The following ZNF516 variants were observed in gnomAD, a reference collection of about 807,000 sequenced individuals.
The protein encoded by ZNF516 is zinc finger protein 516.
A neutral mutation model predicts 79.7 loss-of-function variants in ZNF516; 19 were observed. The ratio of observed to expected loss-of-function variants is 0.24; its 90% CI spans 0.17 to 0.35. ZNF516 has a LOEUF of 0.35. Ranked by LOEUF, ZNF516 falls within the 10% of genes least tolerant of loss-of-function variation. ZNF516 has a pLI of 1.00. For missense variants in ZNF516, 1,678 were observed against 1,679.5 expected (o/e 1.00, Z 0.02); for synonymous variants, 877 against 739.5 (o/e 1.19, Z -3.02).
intron 3 of ZNF516, among the ~76,000 whole-genome samples, chr18:76,419,005 G>T (rs2075472712): frequency 1.3e-5 from 2 of 152,156 alleles, no homozygotes. Context: ...GCTGGGGCTG[G>T]ACCCTGACAG....
intron 3 of ZNF516, among the ~76,000 whole-genome samples, chr18:76,398,346 T>A (rs1384354895): frequency 6.6e-6 from 1 of 152,210 alleles, no homozygotes; most frequent in African/African-American, 2.4e-5. Flanking sequence ...CATACTTTAA[T>A]CAGAGAGCAA....
chr18:76,368,832 G>T (rs1236494781), intron 6 of ZNF516, among the ~76,000 whole-genome samples: 3 of 152,166 alleles, frequency 2.0e-5, no homozygotes, highest in Non-Finnish European at 4.4e-5. Context: ...TAGTCTAAAT[G>T]ATTTGCTTTT....
At chr18:76,468,015 G>C (rs1913594367) in intron 1 of ZNF516, among the ~76,000 whole-genome samples, 1 of 152,160 alleles carries the variant, frequency 6.6e-6, no homozygotes, top group South Asian at 2.1e-4. Context: ...CGGCCTTGCG[G>C]GACTCCCTGC....
At chr18:76,400,622 T>C (rs2075206066) in intron 3 of ZNF516, among the ~76,000 whole-genome samples, 2 of 152,184 alleles carry the variant, frequency 1.3e-5, no homozygotes, top group East Asian at 1.9e-4. Flanking sequence ...TCAAACTACG[T>C]AGGCACGGCC....
intron 3 of ZNF516, among the ~76,000 whole-genome samples, chr18:76,398,508 G>A (rs1403531096): frequency 3.3e-5 from 5 of 152,130 alleles, no homozygotes; most frequent in East Asian, 3.9e-4. Flanking sequence ...GGGGACTGTC[G>A]GGAAGAAGGT....
In ZNF516 at chr18:76,493,283, G is replaced by A. The variant is rs1359406970; in HGVS notation, c.-272+1861C>T. On this transcript the variant is annotated intron_variant, in intron 1 of 6. Coordinates refer to ENST00000443185, the MANE Select transcript of ZNF516 (RefSeq NM_014643.4). This position sits in a 1 kb window ranked among gnomAD's most constrained non-coding sequence, Gnocchi z 5.2. ...AGGGAAATTCACGAAGGGAGTGGAG[G>A]CGGAAAGGGAGCTCCGAGAAAGAAG... 22 of 658,528 alleles carry A rather than the reference G, an allele frequency of 3.3e-5. 1 individual carries two copies. In the South Asian group the frequency reaches 1.3e-3, roughly 39 times the overall value. 40.8% of individuals were successfully genotyped at this position (658,528 alleles called of 1,614,324 possible).
rs546926442 is a variant in ZNF516, at chr18:76,480,048, T to C, written c.-272+15096A>G. ...AACCCTGGCACCAGGCGGCGGTTTGTGGCGGGGCGCCCCTAGAGCTATGCC... is the reference window on the plus strand; with the variant it reads ...AACCCTGGCACCAGGCGGCGGTTTGCGGCGGGGCGCCCCTAGAGCTATGCC... On this transcript the variant is annotated intron_variant, in intron 1 of 6. Coordinates refer to ENST00000443185, the MANE Select transcript of ZNF516 (RefSeq NM_014643.4). 1.1e-3 allele frequency among the ~76,000 whole-genome samples: 172 copies of C among 150,426 alleles called. 1 individual carries two copies. Among genetic ancestry groups the C allele is most frequent in the Middle Eastern group, 7.1e-3 (2 of 280 alleles).
At chr18:76,488,736 A>G (rs1914985163) in intron 1 of ZNF516, among the ~76,000 whole-genome samples, 1 of 152,248 alleles carries the variant, frequency 6.6e-6, no homozygotes, top group African/African-American at 2.4e-5. Flanking sequence ...TTACAGTTCT[A>G]TTACTAATAA....
At chr18:76,491,156 A>G in intron 1 of ZNF516, 2 of 938,698 alleles carry the variant, frequency 2.1e-6, no homozygotes, top group Non-Finnish European at 2.5e-6. Flanking sequence ...GAAACCAATT[A>G]CCTGGGCTCC....
chr18:76,492,791 C>G lies in ZNF516; in HGVS notation c.-272+2353G>C, dbSNP rs904608317. On this transcript the variant is annotated intron_variant, in intron 1 of 6. Transcript: ENST00000443185. ...TGAATCTGAAAGTGCTTCTAAACCC[C>G]ATGCTTCACAGAACGTTCGGAGGGG... The G allele has an allele frequency of 5.1e-6, 5 of 985,810 alleles. No individual in the cohort carries two copies. In the South Asian group the frequency reaches 2.3e-4, roughly 46 times the overall value. The allele number at this position is 985,810 out of a possible 1,614,324, so 61.1% of individuals were successfully genotyped here.
At chr18:76,457,150 C>T (rs1401191649) in intron 2 of ZNF516, among the ~76,000 whole-genome samples, 1 of 152,224 alleles carries the variant, frequency 6.6e-6, no homozygotes, top group Admixed American at 6.5e-5. Flanking sequence ...GTTTATTACA[C>T]CACATGTATG....
chr18:76,373,671 C>T (rs2074742915), intron 4 of ZNF516, among the ~76,000 whole-genome samples: 1 of 152,266 alleles, frequency 6.6e-6, no homozygotes, highest in Non-Finnish European at 1.5e-5. Context: ...AGCCCTCCCA[C>T]TCATCCGTGC....
At chr18:76,419,984 G>A (rs778181527) in intron 3 of ZNF516, among the ~76,000 whole-genome samples, 1 of 152,222 alleles carries the variant, frequency 6.6e-6, no homozygotes, top group Non-Finnish European at 1.5e-5. Context: ...AGGCAGCCCT[G>A]GTATTTCTAC....
chr18:76,414,004 G>A (rs2075402951), intron 3 of ZNF516, among the ~76,000 whole-genome samples: 2 of 152,052 alleles, frequency 1.3e-5, no homozygotes, highest in African/African-American at 4.8e-5. Context: ...ACAAACATTG[G>A]AACAAAAAGT....
chr18:76,478,069 T>TA (rs35746608), intron 1 of ZNF516, among the ~76,000 whole-genome samples: 32,390 of 152,100 alleles, frequency 0.21, 3,886 homozygotes, highest in African/African-American at 0.32. Context: ...GCCCCTAACT[T>TA]AAAGTGTTTT....
At chr18:76,434,121 C>A (rs2075699303) in intron 3 of ZNF516, among the ~76,000 whole-genome samples, 1 of 152,204 alleles carries the variant, frequency 6.6e-6, no homozygotes, top group Non-Finnish European at 1.5e-5. Flanking sequence ...CAGGAGCGAT[C>A]CTGCCTGGTC....
intron 2 of ZNF516, among the ~76,000 whole-genome samples, chr18:76,462,523 C>G (rs1239137918): frequency 6.6e-6 from 1 of 152,236 alleles, no homozygotes; most frequent in Non-Finnish European, 1.5e-5. Flanking sequence ...GCAGATGAAG[C>G]CTGCACCACA....
chr18:76,440,019 C>T (rs3737387), intron 3 of ZNF516, among the ~76,000 whole-genome samples: 6,933 of 152,292 alleles, frequency 0.046, 272 homozygotes, highest in East Asian at 0.13. Flanking sequence ...CCCCCTGCTC[C>T]TCCCACGGGG....
In ZNF516 at chr18:76,441,877, G is replaced by A. The variant is rs779119734; in HGVS notation, c.1178C>T (p.Ala393Val). ...FLQCLNLRPS[A>V]AGDSCPGTQA... is the part of the protein sequence containing the mutation. ...CGTGCCAGGGCACGAGTCGCCGGCC[G>A]CCGACGGCCTCAGGTTCAGGCACTG... The change falls in exon 3 of 7, where the codon GCG (alanine) becomes GTG (valine). Residue 393 changes from alanine to valine, a missense_variant. Around this residue, in one of 5 missense-constraint regions of ZNF516, gnomAD observed 1,294 missense variants for 1,248.3 expected, o/e 1.04. Transcript: ENST00000443185. The A allele has an allele frequency of 6.3e-6, 10 of 1,587,354 alleles. No individual in the cohort carries two copies. Among genetic ancestry groups the A allele is most frequent in the African/African-American group, 2.7e-5 (2 of 74,658 alleles).
Sources: gnomAD v4.1 joint callset for allele counts (sites outside exome capture counted in the v4.1 genomes callset) on GRCh38, gnomAD v4.1.1 for gene constraint, gnomAD v4.1.1 regional missense constraint, Gnocchi (gnomAD v3.1) non-coding constraint, MANE v1.5 for transcripts, NCBI Gene and HGNC (gene_info 2026-07-23, HGNC 2026-07-21) for gene names.